The following GRID1 variants were observed in gnomAD, a reference collection of about 807,000 sequenced individuals.
GRID1 encodes the protein glutamate ionotropic receptor delta type subunit 1.
Under a neutral mutation model 98.0 loss-of-function variants are expected in GRID1, and 28 were observed. The ratio of observed to expected loss-of-function variants is 0.29; its 90% CI spans 0.21 to 0.39. GRID1 has a LOEUF of 0.39. Ranked by LOEUF, GRID1 falls within the 10% of genes least tolerant of loss-of-function variation. GRID1 has a pLI of 1.00. For missense variants in GRID1, 1,111 were observed against 1,340.5 expected (o/e 0.83, Z 2.67); for synonymous variants, 553 against 538.5 (o/e 1.03, Z -0.37).
intron 8 of GRID1, among the ~76,000 whole-genome samples, chr10:85,785,272 A>G (rs1179925386): frequency 2.6e-5 from 4 of 152,220 alleles, no homozygotes; most frequent in Non-Finnish European, 5.9e-5. Context: ...CCAAACCTTC[A>G]CTGAAATTCT....
chr10:85,630,245 G>A (rs960821003), intron 13 of GRID1, among the ~76,000 whole-genome samples: 10 of 152,198 alleles, frequency 6.6e-5, no homozygotes, highest in Non-Finnish European at 2.9e-5. Flanking sequence ...GGTGGACCAA[G>A]TCTTTCTTTA....
chr10:86,175,746 G>A (rs1029983954), intron 3 of GRID1, among the ~76,000 whole-genome samples: 1 of 151,438 alleles, frequency 6.6e-6, no homozygotes, highest in Non-Finnish European at 1.5e-5. Context: ...TTTCACTCTT[G>A]TTGCCCAGGC....
chr10:86,123,628 G>A (rs891654060), intron 4 of GRID1, among the ~76,000 whole-genome samples: 4 of 152,182 alleles, frequency 2.6e-5, no homozygotes, highest in Admixed American at 6.5e-5. Flanking sequence ...GGTGATGAGC[G>A]GAAGGTTTGT....
At chr10:86,153,638 G>A (rs1407488133) in intron 3 of GRID1, among the ~76,000 whole-genome samples, 1 of 152,162 alleles carries the variant, frequency 6.6e-6, no homozygotes, top group African/African-American at 2.4e-5. Flanking sequence ...AACAGCATGG[G>A]GACATGGCTG....
intron 8 of GRID1, among the ~76,000 whole-genome samples, chr10:85,786,205 G>A (rs1413061564): frequency 6.6e-6 from 1 of 152,110 alleles, no homozygotes; most frequent in Non-Finnish European, 1.5e-5. Context: ...TGAATCAATA[G>A]CCAGCCTAAG....
chr10:86,282,567 C>A (rs1847371668), intron 2 of GRID1, among the ~76,000 whole-genome samples: 1 of 152,148 alleles, frequency 6.6e-6, no homozygotes, highest in Admixed American at 6.5e-5. Flanking sequence ...TGTACTGGAG[C>A]AAGTTTGCAT....
chr10:85,711,645 A>C (rs954513059), intron 12 of GRID1, among the ~76,000 whole-genome samples: 4 of 152,016 alleles, frequency 2.6e-5, no homozygotes, highest in Non-Finnish European at 5.9e-5. Flanking sequence ...ATATTTTACC[A>C]ATAAAAATTT....
chr10:86,073,002 T>C (rs7099566), intron 4 of GRID1, among the ~76,000 whole-genome samples: 49,595 of 152,170 alleles, frequency 0.33, 8,937 homozygotes, highest in East Asian at 0.58. Flanking sequence ...CTCATCCAGA[T>C]GTGTGGCTTT....
chr10:86,116,491 C>A (rs538994828), intron 4 of GRID1, among the ~76,000 whole-genome samples: 1 of 152,264 alleles, frequency 6.6e-6, no homozygotes, highest in Non-Finnish European at 1.5e-5. Context: ...AGGTGGCCAA[C>A]TTCAACTTGT....
At chr10:85,826,040 A>C (rs934272341) in intron 8 of GRID1, among the ~76,000 whole-genome samples, 6 of 152,182 alleles carry the variant, frequency 3.9e-5, no homozygotes, top group African/African-American at 1.4e-4. Flanking sequence ...AAATACCCGC[A>C]ATCAGGCTAG....
chr10:86,210,343 C>T (rs763827212), intron 2 of GRID1, among the ~76,000 whole-genome samples: 10 of 152,120 alleles, frequency 6.6e-5, no homozygotes, highest in Non-Finnish European at 1.0e-4. Flanking sequence ...TTGGCTCCTC[C>T]GGTCAGTAGC....
rs1564613351 is a variant in GRID1 at position 85,865,971 on chromosome 10, A to ATG, written c.951+3038_951+3039insCA. Reference sequence around the variant, plus strand: ...CATATATATGGAGAGAGAGAGAGAGAGAGAGAGAGAGAGAGAGAGAGAGAG... The same window carrying ATG: ...CATATATATGGAGAGAGAGAGAGAGATGGAGAGAGAGAGAGAGAGAGAGAGAG... On this transcript the variant is annotated intron_variant, in intron 6 of 15. Coordinates refer to ENST00000327946, the MANE Select transcript of GRID1 (RefSeq NM_017551.3). Among the ~76,000 whole-genome samples the ATG allele has an allele frequency of 4.2e-3, 450 of 107,626 alleles. 18 individuals are homozygous for ATG. Among genetic ancestry groups the ATG allele is most frequent in the African/African-American group, 0.014 (402 of 28,562 alleles). The allele number at this position is 107,626 out of a possible 152,430, so 70.6% of individuals were successfully genotyped here. A position where few individuals can be genotyped will look rare whatever the true frequency, so the allele number is the denominator to read the frequency against.
chr10:85,710,063 C>T (rs947918006), intron 12 of GRID1, among the ~76,000 whole-genome samples: 2 of 152,062 alleles, frequency 1.3e-5, no homozygotes, highest in Non-Finnish European at 2.9e-5. Context: ...TCAGAATGAT[C>T]TACTAATTCA....
intron 2 of GRID1, among the ~76,000 whole-genome samples, chr10:86,240,684 C>A (rs1846614889): frequency 1.3e-5 from 2 of 152,178 alleles, no homozygotes; most frequent in African/African-American, 4.8e-5. Context: ...ATGGAATGTG[C>A]TGCCCAGATA....
Position 85,949,618 on chromosome 10 carries a change from CT to C in GRID1, c.727-33380del, listed in dbSNP as rs1185886255. On this transcript the variant is annotated intron_variant, in intron 4 of 15. Transcript: ENST00000327946. The stretch of plus-strand genomic sequence containing the variant: ...TTGTTTGTGCTCTGATGAGCACAAT[CT>C]TTACATCAAACCTTCTAGGCTTCCA... Among the ~76,000 whole-genome samples the C allele has an allele frequency of 6.6e-5, 10 of 152,230 alleles. 1 individual carries two copies. Among genetic ancestry groups the C allele is most frequent in the African/African-American group, 2.4e-4 (10 of 41,526 alleles).
intron 12 of GRID1, among the ~76,000 whole-genome samples, chr10:85,694,560 A>G (rs1308562818): frequency 0.082 from 983 of 12,026 alleles, 28 homozygotes; most frequent in Middle Eastern, 0.12. Flanking sequence ...GTATATATAT[A>G]TATATATATA....
chr10:86,106,777 T>G (rs540198290), intron 4 of GRID1, among the ~76,000 whole-genome samples: 1 of 152,162 alleles, frequency 6.6e-6, no homozygotes, highest in East Asian at 1.9e-4. Context: ...CAGGACTGCA[T>G]GGCCGCTGGC....
chr10:85,988,207 C>A (rs1315700461), intron 4 of GRID1, among the ~76,000 whole-genome samples: 1 of 152,140 alleles, frequency 6.6e-6, no homozygotes, highest in African/African-American at 2.4e-5. Context: ...CAATACCCTG[C>A]ATTTTCCTCT....
intron 2 of GRID1, among the ~76,000 whole-genome samples, chr10:86,267,209 C>A (rs1847117349): frequency 6.6e-6 from 1 of 152,250 alleles, no homozygotes; most frequent in South Asian, 2.1e-4. Flanking sequence ...ATCCCAACTT[C>A]AATTTGAGGA....
Sources: allele counts gnomAD v4.1 joint callset (sites outside exome capture counted in the v4.1 genomes callset), GRCh38; gene constraint gnomAD v4.1.1; transcripts MANE v1.5; gene names NCBI Gene and HGNC (gene_info 2026-07-23, HGNC 2026-07-21).